The following LAMA2 variants were observed in gnomAD, a reference collection of about 807,000 sequenced individuals.
LAMA2 encodes the protein laminin subunit alpha-2.
A neutral mutation model predicts 364.8 loss-of-function variants in LAMA2; 269 were observed. The observed-to-expected ratio is 0.74, with a 90% confidence interval of 0.67 to 0.82. LAMA2 has a LOEUF of 0.82. LAMA2 is among the 40% of genes least tolerant of loss of function. LAMA2 has a pLI of 0.00. For missense variants in LAMA2, 3,807 were observed against 3,873.2 expected (o/e 0.98, Z 0.45); for synonymous variants, 1,379 against 1,370.6 (o/e 1.01, Z -0.14).
At chr6:129,267,044 C>A in intron 15 of LAMA2, 62 bp from the exon 16 acceptor site, 1 of 1,062,632 alleles carries the variant, frequency 9.4e-7, no homozygotes, top group Non-Finnish European at 1.5e-6. Flanking sequence ...CAAACACAAA[C>A]AAACAAAAAC....
chr6:129,394,900 G>T (rs1317549077), intron 37 of LAMA2, among the ~76,000 whole-genome samples: 7 of 152,176 alleles, frequency 4.6e-5, no homozygotes, highest in African/African-American at 1.7e-4. Context: ...GAGTGGTCCT[G>T]TTTGGATTTT....
intron 1 of LAMA2, among the ~76,000 whole-genome samples, chr6:129,014,649 A>G (rs1006193227): frequency 6.6e-6 from 1 of 152,110 alleles, no homozygotes; most frequent in Non-Finnish European, 1.5e-5. Context: ...ATTATTAAAG[A>G]GCATAATTAA....
At chr6:129,040,843 T>G (rs143499676) in intron 1 of LAMA2, among the ~76,000 whole-genome samples, 1 of 152,210 alleles carries the variant, frequency 6.6e-6, no homozygotes, top group East Asian at 1.9e-4. Context: ...CTGAGAAATT[T>G]GGAAATATAT....
chr6:129,152,324 T>A (rs1023711622), intron 7 of LAMA2, among the ~76,000 whole-genome samples: 1 of 152,212 alleles, frequency 6.6e-6, no homozygotes, highest in Non-Finnish European at 1.5e-5. Context: ...ACACACAAGG[T>A]TGGTGGCTAT....
intron 12 of LAMA2, among the ~76,000 whole-genome samples, chr6:129,198,249 A>G (rs2115045310): frequency 6.8e-6 from 1 of 148,068 alleles, no homozygotes; most frequent in South Asian, 2.1e-4. Flanking sequence ...ATATTATTAA[A>G]TATTATTAAT....
At chr6:129,240,341 T>C (rs1785314353) in intron 12 of LAMA2, among the ~76,000 whole-genome samples, 1 of 152,196 alleles carries the variant, frequency 6.6e-6, no homozygotes, top group African/African-American at 2.4e-5. Context: ...CTTTGCATAC[T>C]TCAGTCAAGT....
intron 1 of LAMA2, among the ~76,000 whole-genome samples, chr6:128,885,220 G>T (rs1489974838): frequency 6.6e-6 from 1 of 152,058 alleles, no homozygotes; most frequent in Non-Finnish European, 1.5e-5. Context: ...CTGGAGGTTG[G>T]CTCAAGGATA....
chr6:129,270,811 C>T (rs1334677761), intron 17 of LAMA2, 60 bp downstream of exon 17: 7 of 1,524,660 alleles, frequency 4.6e-6, no homozygotes, highest in Non-Finnish European at 6.4e-6. Context: ...GTACACTTTT[C>T]ATAGCAAATA....
rs566698995 is a variant in LAMA2, at chr6:129,191,582, C to A, written c.1609-1098C>A. 4.6e-5 allele frequency among the ~76,000 whole-genome samples: 7 copies of A among 152,266 alleles called. No individual in the cohort carries two copies. In the South Asian group the frequency reaches 8.3e-4, roughly 18 times the overall value. ...CACAGAATCCCATTCAACTGTCTTA[C>A]AATGCCTCAAGGGTGACGTTAGAAA... On this transcript the variant is annotated intron_variant, in intron 11 of 64. Transcript: ENST00000421865.
At chr6:129,218,114 G>C (rs1783546887) in intron 12 of LAMA2, among the ~76,000 whole-genome samples, 1 of 152,106 alleles carries the variant, frequency 6.6e-6, no homozygotes, top group Admixed American at 6.5e-5. Context: ...TATTACCACA[G>C]ATGGCATCAC....
intron 35 of LAMA2, among the ~76,000 whole-genome samples, chr6:129,390,537 C>A (rs1779261453): frequency 6.6e-6 from 1 of 151,890 alleles, no homozygotes; most frequent in Non-Finnish European, 1.5e-5. Context: ...CCAACCGAGA[C>A]CCCTCATTCT....
In LAMA2 at chr6:129,143,952, G is replaced by A; in HGVS notation, c.691G>A (p.Glu231Lys). ...ACCAAGTGCCGATGATCCTTCTCCA[G>A]AACTGCTAGAATTTACCTCCGCTCG... ...GRPSADDPSP[E>K]LLEFTSARYI... The change falls in exon 5 of 65, where the codon GAA becomes AAA. Residue 231 changes from glutamate to lysine, a missense_variant. Transcript: ENST00000421865. 6.2e-7 allele frequency: 1 copy of A among 1,611,842 alleles called. No homozygotes were observed.
intron 10 of LAMA2, 34 bp downstream of exon 10, chr6:129,177,900 AAGAC>A (rs773172737): frequency 6.3e-7 from 1 of 1,599,958 alleles, no homozygotes; most frequent in East Asian, 2.2e-5. Flanking sequence ...TCCCACTGTC[AAGAC>A]AGAAGGTTAT....
intron 12 of LAMA2, among the ~76,000 whole-genome samples, chr6:129,238,828 C>T (rs560934220): frequency 6.6e-6 from 1 of 152,006 alleles, no homozygotes; most frequent in South Asian, 2.1e-4. Context: ...TTCTAAAGTT[C>T]CATGAAAATG....
intron 1 of LAMA2, chr6:128,929,897 G>A: frequency 1.2e-6 from 1 of 868,262 alleles, no homozygotes; most frequent in Non-Finnish European, 1.9e-6. Context: ...CTGAGTGTAT[G>A]GGATGTGCAG....
intron 1 of LAMA2, among the ~76,000 whole-genome samples, chr6:128,950,745 AATAC>A (rs1490511570): frequency 1.3e-5 from 2 of 152,118 alleles, no homozygotes; most frequent in African/African-American, 2.4e-5. Flanking sequence ...TGTATATAAT[AATAC>A]ATCATATATA....
intron 1 of LAMA2, among the ~76,000 whole-genome samples, chr6:128,919,675 T>C (rs906554308): frequency 6.6e-6 from 1 of 152,232 alleles, no homozygotes. Flanking sequence ...CATTTGTTTG[T>C]TGTACTTCAG....
intron 12 of LAMA2, among the ~76,000 whole-genome samples, chr6:129,216,897 C>T (rs1300003392): frequency 1.3e-5 from 2 of 152,082 alleles, no homozygotes; most frequent in Non-Finnish European, 2.9e-5. Flanking sequence ...TCATTACGTT[C>T]TTAGAATACA....
chr6:128,924,211 T>C lies in LAMA2; in HGVS notation c.112+40854T>C, dbSNP rs143490300. On this transcript the variant is annotated intron_variant, in intron 1 of 64. Transcript: ENST00000421865. Reference sequence around the variant, plus strand: ...TTACAAGCTTCTTTTCATATATATATACACACACACACATATGTATTTATG... The same window carrying C: ...TTACAAGCTTCTTTTCATATATATACACACACACACACATATGTATTTATG... Among the ~76,000 whole-genome samples, 368 of 152,036 alleles carry C rather than the reference T, an allele frequency of 2.4e-3. 1 individual carries two copies. The highest frequency in any genetic ancestry group is 5.5e-3 in the African/African-American group (229 of 41,486).
Sources: gnomAD v4.1 joint callset for allele counts (sites outside exome capture counted in the v4.1 genomes callset) on GRCh38, gnomAD v4.1.1 for gene constraint, MANE v1.5 for transcripts, NCBI Gene and HGNC (gene_info 2026-07-23, HGNC 2026-07-21) for gene names.